Variants in SLAMF1 observed in about 807,000 individuals in gnomAD.
SLAMF1 encodes signaling lymphocytic activation molecule family member 1.
Under a neutral mutation model 35.1 loss-of-function variants are expected in SLAMF1, and 18 were observed. The observed-to-expected ratio is 0.51, with a 90% CI of 0.35 to 0.76. The LOEUF (loss-of-function observed/expected upper bound fraction) is 0.76, where lower values mean the gene tolerates loss of function less well. Among genes scored for constraint, SLAMF1 ranks in the 30% least tolerant of loss-of-function variants. SLAMF1 has a pLI of 0.01. For missense variants in SLAMF1, 392 were observed against 413.0 expected (o/e 0.95, Z 0.44); for synonymous variants, 168 against 157.2 (o/e 1.07, Z -0.51).
Position 160,611,513 on chromosome 1 carries a change from C to T in SLAMF1, c.958-715G>A, listed in dbSNP as rs572647939. On this transcript the variant is annotated intron_variant, in intron 6 of 6. Transcript: ENST00000302035. ...AGGCATTTCTGGATGAGTGTGTGTG[C>T]GGTAGGAGCTTTGAAAAATAAGGTG... 1.5e-4 allele frequency among the ~76,000 whole-genome samples: 23 copies of T among 152,148 alleles called. 1 individual carries two copies. In the South Asian group the frequency reaches 3.3e-3, roughly 22 times the overall value.
At chr1:160,640,363 C>T (rs865916639) in intron 1 of SLAMF1, among the ~76,000 whole-genome samples, 28 of 99,390 alleles carry the variant, frequency 2.8e-4, no homozygotes, top group Non-Finnish European at 3.6e-4. Flanking sequence ...TATATATACA[C>T]ACACACACAC....
intron 4 of SLAMF1, 131 bp downstream of exon 4, chr1:160,623,965 A>G (rs2102300068): frequency 1.5e-6 from 1 of 659,282 alleles, no homozygotes; most frequent in Non-Finnish European, 2.7e-6. Context: ...GGATATGTTT[A>G]TCTACTATTT....
chr1:160,617,229 C>T (rs111348004), intron 5 of SLAMF1, among the ~76,000 whole-genome samples: 1,541 of 152,104 alleles, frequency 0.01, 22 homozygotes, highest in African/African-American at 0.035. Flanking sequence ...TAAATGGATA[C>T]GCCCACTTTG....
At chr1:160,635,266 G>T (rs1660378463) in intron 2 of SLAMF1, among the ~76,000 whole-genome samples, 1 of 152,156 alleles carries the variant, frequency 6.6e-6, no homozygotes, top group Admixed American at 6.5e-5. Flanking sequence ...TTACTTCCTA[G>T]ACCTAAAAGA....
intron 6 of SLAMF1, 40 bp downstream of exon 6, chr1:160,612,448 T>A: frequency 7.4e-7 from 1 of 1,344,456 alleles, no homozygotes; most frequent in Non-Finnish European, 1.1e-6. Context: ...CTCCTTCATG[T>A]ATTCCCTCTC....
At chr1:160,618,459 C>T (rs1386057186) in intron 5 of SLAMF1, among the ~76,000 whole-genome samples, 2 of 151,724 alleles carry the variant, frequency 1.3e-5, no homozygotes, top group East Asian at 1.9e-4. Flanking sequence ...TGATTAGAAG[C>T]AGCTGGAAGT....
At chr1:160,621,240 T>G (rs1302808375) in intron 4 of SLAMF1, among the ~76,000 whole-genome samples, 1 of 152,140 alleles carries the variant, frequency 6.6e-6, no homozygotes, top group East Asian at 1.9e-4. Context: ...TAAGGTAGAC[T>G]TATTTTAACA....
At chr1:160,622,802 A>T (rs1362891446) in intron 4 of SLAMF1, among the ~76,000 whole-genome samples, 1 of 152,240 alleles carries the variant, frequency 6.6e-6, no homozygotes, top group Non-Finnish European at 1.5e-5. Flanking sequence ...TTATCAGTGT[A>T]TTCTCCTGGA....
At position 160,634,980 on chromosome 1, in the gene SLAMF1, C is replaced by A. The variant is rs938192786; in HGVS notation, c.416-83G>T. The A allele has an allele frequency of 4.0e-6, 5 of 1,247,110 alleles. No individual in the cohort carries two copies. In the South Asian group the frequency reaches 5.8e-5, roughly 14 times the overall value. 77.3% of individuals were successfully genotyped at this position (1,247,110 alleles called of 1,614,324 possible). On this transcript the variant is annotated intron_variant, in intron 2 of 6. Coordinates refer to ENST00000302035, the MANE Select transcript of SLAMF1 (RefSeq NM_003037.5). ...TTGACCTTTTTGTTAGAACAAAGTA[C>A]AGCCTAATGGCATTTTCCCTCCCCC...
intron 3 of SLAMF1, among the ~76,000 whole-genome samples, 156 bp from the exon 4 acceptor site, chr1:160,624,341 C>A (rs920688288): frequency 1.3e-4 from 20 of 152,148 alleles, no homozygotes; most frequent in African/African-American, 4.8e-4. Context: ...AGCTTTAGAC[C>A]ACTGAAAATT....
At chr1:160,637,156 C>T in intron 2 of SLAMF1, 35 bp downstream of exon 2, 1 of 1,479,030 alleles carries the variant, frequency 6.8e-7, no homozygotes, top group Non-Finnish European at 9.5e-7. Context: ...GCACCTTGGC[C>T]CTTTAGTGTG....
chr1:160,641,653 C>A (rs1350341060), intron 1 of SLAMF1, among the ~76,000 whole-genome samples: 1 of 151,904 alleles, frequency 6.6e-6, no homozygotes, highest in African/African-American at 2.4e-5. Flanking sequence ...TGACGCAATA[C>A]CTGAGTGTGT....
chr1:160,645,675 G>A (rs757477472), intron 1 of SLAMF1, among the ~76,000 whole-genome samples: 1 of 152,216 alleles, frequency 6.6e-6, no homozygotes, highest in Non-Finnish European at 1.5e-5. Flanking sequence ...ACCACTTAAA[G>A]TGGCTCGATT....
Position 160,630,935 on chromosome 1 carries a change from C to T in SLAMF1, c.700+3678G>A, listed in dbSNP as rs76350349. Among the ~76,000 whole-genome samples the T allele has an allele frequency of 5.7e-3, 868 of 152,238 alleles. 25 individuals carry two copies. The East Asian group carries it at 0.079, about 14-fold the overall frequency. ...AGTTTATGTCACATTCTCTGGGATGCTCTCTCTAATCCCCCGAGACAGTGT... is the reference window on the plus strand; with the variant it reads ...AGTTTATGTCACATTCTCTGGGATGTTCTCTCTAATCCCCCGAGACAGTGT... On this transcript the variant is annotated intron_variant, in intron 3 of 6. Transcript: ENST00000302035.
At chr1:160,619,348 C>G (rs1659485465) in intron 5 of SLAMF1, among the ~76,000 whole-genome samples, 1 of 152,152 alleles carries the variant, frequency 6.6e-6, no homozygotes, top group Non-Finnish European at 1.5e-5. Context: ...TTTTGAAGAT[C>G]CTACCTTCCT....
Position 160,610,225 on chromosome 1 carries a change from A to C in SLAMF1, c.*523T>G, listed in dbSNP as rs1061217. ...ATGTATAATAAGAAATTCACCCTTC[A>C]GCCTCTATTCACTCTTTATCCTGAG... On this transcript the variant is annotated 3_prime_UTR_variant, in exon 7 of 7. Transcript: ENST00000302035. 4 of 447,868 alleles carry C rather than the reference A, an allele frequency of 8.9e-6. No individual in the cohort carries two copies. Among genetic ancestry groups the C allele is most frequent in the Non-Finnish European group, 1.8e-5 (4 of 223,744 alleles). The allele number at this position is 447,868 out of a possible 1,614,324, so 27.7% of individuals were successfully genotyped here.
At chr1:160,633,119 C>G (rs555314545) in intron 3 of SLAMF1, among the ~76,000 whole-genome samples, 2 of 152,292 alleles carry the variant, frequency 1.3e-5, no homozygotes, top group East Asian at 3.9e-4. Flanking sequence ...AGCATTGGCT[C>G]TAGGACTTCC....
intron 1 of SLAMF1, among the ~76,000 whole-genome samples, chr1:160,638,295 G>T (rs939523408): frequency 9.9e-5 from 15 of 151,984 alleles, no homozygotes; most frequent in Non-Finnish European, 1.9e-4. Context: ...TTGTTTCACT[G>T]AAGTATAAAA....
At position 160,610,557 on chromosome 1, in the gene SLAMF1, T is replaced by A; in HGVS notation, c.*191A>T. 1 of 602,910 alleles carries A rather than the reference T, an allele frequency of 1.7e-6. No homozygotes were observed. The highest frequency in any genetic ancestry group is 3.0e-6 in the Non-Finnish European group (1 of 332,310). 37.3% of individuals were successfully genotyped at this position (602,910 alleles called of 1,614,324 possible). A position where few individuals can be genotyped will look rare whatever the true frequency, so the allele number is the denominator to read the frequency against. ...TGCAGCCACTGCACAGCAAGCTAAA[T>A]TCTTGGGAAGCCTCACTTCCTTGTT... On this transcript the variant is annotated 3_prime_UTR_variant, in exon 7 of 7. Transcript: ENST00000302035.
Sources: gnomAD v4.1 joint callset for allele counts (sites outside exome capture counted in the v4.1 genomes callset) on GRCh38, gnomAD v4.1.1 for gene constraint, MANE v1.5 for transcripts, NCBI Gene and HGNC (gene_info 2026-07-23, HGNC 2026-07-21) for gene names.